Variants in BCAR3 observed in about 807,000 individuals in gnomAD.
BCAR3 encodes BCAR3 adaptor protein, NSP family member, also known as breast cancer anti-estrogen resistance protein 3.
A neutral mutation model predicts 80.1 loss-of-function variants in BCAR3; 37 were observed. The ratio of observed to expected loss-of-function variants is 0.46; its 90% CI spans 0.36 to 0.61. The LOEUF is 0.61. BCAR3 is among the 20% of genes least tolerant of loss of function. The pLI is 0.00. For missense variants in BCAR3, 978 were observed against 1,068.2 expected (o/e 0.92, Z 1.18); for synonymous variants, 389 against 418.9 (o/e 0.93, Z 0.87).
chr1:93,580,619 G>C (rs542308676), intron 7 of BCAR3, among the ~76,000 whole-genome samples: 1 of 152,104 alleles, frequency 6.6e-6, no homozygotes, highest in South Asian at 2.1e-4. Flanking sequence ...CATATACGTT[G>C]TATTAGGTGT....
intron 2 of BCAR3, among the ~76,000 whole-genome samples, chr1:93,810,581 A>C (rs949093155): frequency 2.0e-5 from 3 of 152,108 alleles, no homozygotes; most frequent in African/African-American, 7.2e-5. Context: ...ATCCTTCTCC[A>C]TGCATGCCAA....
Position 93,582,696 on chromosome 1 carries a change from C to T in BCAR3, c.1291G>A (p.Glu431Lys), listed in dbSNP as rs1285809494. Residue 431 changes from glutamate (E) to lysine (K), a missense_variant, in exon 7 of 12, where the codon GAA (glutamate) becomes AAA (lysine). Coordinates refer to ENST00000260502, the MANE Select transcript of BCAR3 (RefSeq NM_003567.4). ...AWLNSEANYC[E>K]LNPAFATGCG... ...CCTGTGGCAAACGCTGGGTTCAGTT[C>T]ACAGTAGTTGGCCTCTGAGTTGAGC... The T allele has an allele frequency of 1.2e-6, 2 of 1,613,982 alleles. No homozygotes were observed. Among genetic ancestry groups the T allele is most frequent in the Non-Finnish European group, 1.7e-6 (2 of 1,180,022 alleles).
At chr1:93,562,637 G>A (rs915457358) in intron 11 of BCAR3, among the ~76,000 whole-genome samples, 21 of 152,068 alleles carry the variant, frequency 1.4e-4, no homozygotes, top group Middle Eastern at 3.4e-3. Context: ...CAGGCGTGGT[G>A]GCGAGCGCCT....
chr1:93,846,654 C>T (rs1199971921), intron 1 of BCAR3, among the ~76,000 whole-genome samples: 1 of 151,810 alleles, frequency 6.6e-6, no homozygotes, highest in Non-Finnish European at 1.5e-5. Flanking sequence ...AGCGCGCGCC[C>T]TCCGACCACA....
intron 2 of BCAR3, among the ~76,000 whole-genome samples, chr1:93,768,300 C>T (rs994815784): frequency 8.6e-5 from 13 of 150,568 alleles, no homozygotes; most frequent in African/African-American, 3.2e-4. Flanking sequence ...TACAACAGCC[C>T]AACAAAAAGC....
chr1:93,768,174 C>T (rs547275181), intron 2 of BCAR3, among the ~76,000 whole-genome samples: 1 of 152,230 alleles, frequency 6.6e-6, no homozygotes, highest in East Asian at 1.9e-4. Flanking sequence ...ACGAATGACC[C>T]CATTTGCAGA....
rs372823434 is a variant in BCAR3 at position 93,641,360 on chromosome 1, G to T, written c.357+944C>A. Among the ~76,000 whole-genome samples, 34 of 152,300 alleles carry T rather than the reference G, an allele frequency of 2.2e-4. No homozygotes were observed. In the East Asian group the frequency reaches 5.0e-3, roughly 22 times the overall value. On this transcript the variant is annotated intron_variant, in intron 3 of 11. Coordinates refer to ENST00000260502, the MANE Select transcript of BCAR3 (RefSeq NM_003567.4). Reference sequence around the variant, plus strand: ...CATACTCTGAAACTAGGATGCTGCTGCCTTTGGGATAGCGAAGGTGGAATG... The same window carrying T: ...CATACTCTGAAACTAGGATGCTGCTTCCTTTGGGATAGCGAAGGTGGAATG...
intron 3 of BCAR3, among the ~76,000 whole-genome samples, chr1:93,616,477 T>C (rs575712095): frequency 2.6e-5 from 4 of 152,304 alleles, no homozygotes; most frequent in African/African-American, 9.6e-5. Flanking sequence ...CTCCCCACAA[T>C]GATTATTCTA....
intron 4 of BCAR3, among the ~76,000 whole-genome samples, chr1:93,591,194 C>T (rs1232930160): frequency 3.7e-5 from 3 of 81,858 alleles, no homozygotes; most frequent in Non-Finnish European, 6.7e-5. Context: ...AAAAAAAAAG[C>T]CTGGGCACAG....
intron 3 of BCAR3, among the ~76,000 whole-genome samples, chr1:93,607,405 G>A (rs1487861190): frequency 1.3e-5 from 2 of 152,106 alleles, no homozygotes; most frequent in Admixed American, 6.5e-5. Context: ...GACAAGGCCT[G>A]AAGAGAAGGT....
chr1:93,759,846 C>T (rs772783381), intron 2 of BCAR3, among the ~76,000 whole-genome samples: 2 of 152,192 alleles, frequency 1.3e-5, no homozygotes, highest in Non-Finnish European at 2.9e-5. Context: ...TTAGGTCCCA[C>T]TGTCTACCAT....
intron 3 of BCAR3, among the ~76,000 whole-genome samples, chr1:93,634,050 T>C (rs1675703639): frequency 6.6e-6 from 1 of 152,210 alleles, no homozygotes; most frequent in Admixed American, 6.5e-5. Flanking sequence ...ACAATCACGA[T>C]ATTTCTATTT....
At chr1:93,843,796 G>A (rs992925626) in intron 2 of BCAR3, among the ~76,000 whole-genome samples, 2 of 152,086 alleles carry the variant, frequency 1.3e-5, no homozygotes, top group Admixed American at 6.6e-5. Context: ...TTTCTCCTAG[G>A]AAATTTGGAG....
chr1:93,798,325 T>C (rs1653355699), intron 2 of BCAR3, among the ~76,000 whole-genome samples: 1 of 152,228 alleles, frequency 6.6e-6, no homozygotes, highest in East Asian at 1.9e-4. Flanking sequence ...TACAGTTTCA[T>C]TTGATATTAG....
At chr1:93,639,755 G>A (rs1675921551) in intron 3 of BCAR3, among the ~76,000 whole-genome samples, 1 of 152,086 alleles carries the variant, frequency 6.6e-6, no homozygotes, top group Admixed American at 6.5e-5. Flanking sequence ...GGGATTACAG[G>A]TGTGAGCCAC....
chr1:93,759,073 A>G (rs1489030320), intron 2 of BCAR3, among the ~76,000 whole-genome samples: 1 of 152,064 alleles, frequency 6.6e-6, no homozygotes, highest in Non-Finnish European at 1.5e-5. Context: ...TTATCCCCAA[A>G]CTAACCTCAC....
chr1:93,597,333 G>C (rs745398602), intron 3 of BCAR3, among the ~76,000 whole-genome samples: 2 of 152,188 alleles, frequency 1.3e-5, no homozygotes, highest in Non-Finnish European at 2.9e-5. Context: ...CAAATTGCAG[G>C]ATAGTTAGAA....
chr1:93,610,755 G>A lies in BCAR3; in HGVS notation c.358-18362C>T, dbSNP rs576835565. ...GAGGTCATGAGTTCAAGATCAGCAC[G>A]GCCAACATGGTGAAACCCTGTCTCT... On this transcript the variant is annotated intron_variant, in intron 3 of 11. Transcript: ENST00000260502. Among the ~76,000 whole-genome samples, 11 of 152,158 alleles carry A rather than the reference G, an allele frequency of 7.2e-5. No individual in the cohort carries two copies. In the South Asian group the frequency reaches 1.7e-3, roughly 23 times the overall value.
chr1:93,828,875 T>C (rs781242964), intron 2 of BCAR3, among the ~76,000 whole-genome samples: 24 of 152,084 alleles, frequency 1.6e-4, no homozygotes, highest in Non-Finnish European at 3.1e-4. Flanking sequence ...GTATTTTTAG[T>C]AGAGATGGGG....
Sources: allele counts gnomAD v4.1 joint callset (sites outside exome capture counted in the v4.1 genomes callset), GRCh38; gene constraint gnomAD v4.1.1; transcripts MANE v1.5; gene names NCBI Gene and HGNC (gene_info 2026-07-23, HGNC 2026-07-21).